EPHA6: variants seen among roughly 807,000 people sequenced by gnomAD.
EPHA6 encodes the protein ephrin type-A receptor 6.
In EPHA6, 50 loss-of-function variants were observed where a neutral mutation model predicts 112.0. The observed-to-expected ratio is 0.45, with a 90% CI of 0.36 to 0.56. EPHA6 has a LOEUF of 0.56. Ranked by LOEUF, EPHA6 falls within the 20% of genes least tolerant of loss-of-function variation. The pLI, the probability that EPHA6 is intolerant of heterozygous loss-of-function variation, is 0.00. For synonymous variants in EPHA6, 529 were observed against 490.7 expected (o/e 1.08, Z -1.03); for missense variants, 1,280 against 1,417.4 (o/e 0.90, Z 1.56).
chr3:97,675,484 T>C (rs879521486), intron 14 of EPHA6, among the ~76,000 whole-genome samples: 1 of 151,824 alleles, frequency 6.6e-6, no homozygotes, highest in African/African-American at 2.4e-5. Context: ...CACCTTAATA[T>C]AAAAAAGTAA....
intron 6 of EPHA6, among the ~76,000 whole-genome samples, chr3:97,408,330 C>T (rs2087495662): frequency 1.3e-5 from 2 of 151,876 alleles, no homozygotes; most frequent in African/African-American, 2.4e-5. Flanking sequence ...CCATAGCACC[C>T]TTCTCTTATC....
chr3:97,215,052 T>C (rs2108521079), intron 3 of EPHA6, among the ~76,000 whole-genome samples: 1 of 152,362 alleles, frequency 6.6e-6, no homozygotes, highest in African/African-American at 2.4e-5. Flanking sequence ...ACTTACAGGC[T>C]ATTGAACACC....
Position 97,110,564 on chromosome 3 carries a change from G to A in EPHA6, c.1115-115700G>A, listed in dbSNP as rs191687812. 4.7e-3 allele frequency among the ~76,000 whole-genome samples: 710 copies of A among 152,050 alleles called. 6 individuals carry two copies. Among genetic ancestry groups the A allele is most frequent in the African/African-American group, 0.015 (633 of 41,498 alleles). On this transcript the variant is annotated intron_variant, in intron 3 of 17. Transcript: ENST00000389672. Reference sequence around the variant, plus strand: ...TTTAGAGACAGAGTCTCACTCTGTTGCCCAGGCTGGAGTGCAGTGGTGCAA... The same window carrying A: ...TTTAGAGACAGAGTCTCACTCTGTTACCCAGGCTGGAGTGCAGTGGTGCAA...
intron 3 of EPHA6, among the ~76,000 whole-genome samples, chr3:97,002,228 C>G (rs1290537122): frequency 6.6e-6 from 1 of 151,400 alleles, no homozygotes; most frequent in Non-Finnish European, 1.5e-5. Flanking sequence ...GCATTATGAC[C>G]AGGAGGACTT....
chr3:97,672,746 C>T (rs1218456525), intron 14 of EPHA6, among the ~76,000 whole-genome samples: 2 of 152,072 alleles, frequency 1.3e-5, no homozygotes, highest in African/African-American at 4.8e-5. Flanking sequence ...TTCTTAAACG[C>T]TCTTGAGATG....
At chr3:97,356,554 T>C (rs1322444153) in intron 5 of EPHA6, among the ~76,000 whole-genome samples, 1 of 151,744 alleles carries the variant, frequency 6.6e-6, no homozygotes, top group Admixed American at 6.5e-5. Context: ...TCTTTCTTGA[T>C]ACATTGATTA....
chr3:97,366,349 C>T (rs1347651129), intron 5 of EPHA6, among the ~76,000 whole-genome samples: 1 of 151,548 alleles, frequency 6.6e-6, no homozygotes, highest in East Asian at 1.9e-4. Context: ...GTATATCAGG[C>T]AGCATTTGTG....
chr3:97,666,380 T>C (rs1395642414), intron 14 of EPHA6, among the ~76,000 whole-genome samples: 2 of 152,178 alleles, frequency 1.3e-5, no homozygotes, highest in African/African-American at 4.8e-5. Flanking sequence ...ATTTATTGTC[T>C]CAAAGTTTTA....
chr3:96,929,212 G>A (rs369956177), intron 2 of EPHA6, among the ~76,000 whole-genome samples: 165 of 152,196 alleles, frequency 1.1e-3, no homozygotes, highest in African/African-American at 3.3e-3. Context: ...TCTTTTAATC[G>A]GGACATTTAG....
chr3:97,385,750 C>G (rs146977862), intron 5 of EPHA6, among the ~76,000 whole-genome samples: 1 of 152,138 alleles, frequency 6.6e-6, no homozygotes, highest in East Asian at 1.9e-4. Context: ...AACTTACATT[C>G]ATGGCAGAAT....
intron 8 of EPHA6, among the ~76,000 whole-genome samples, chr3:97,476,788 G>T (rs971751441): frequency 1.3e-5 from 2 of 152,062 alleles, no homozygotes; most frequent in Non-Finnish European, 1.5e-5. Context: ...AGTTAAAAAT[G>T]ATGACTTATT....
At chr3:97,002,670 A>AAT (rs1187308541) in intron 3 of EPHA6, among the ~76,000 whole-genome samples, 2 of 152,012 alleles carry the variant, frequency 1.3e-5, no homozygotes, top group Non-Finnish European at 2.9e-5. Context: ...TAAAGAATAT[A>AAT]ATATATATAC....
At chr3:96,896,976 G>A (rs2038305457) in intron 2 of EPHA6, among the ~76,000 whole-genome samples, 1 of 152,032 alleles carries the variant, frequency 6.6e-6, no homozygotes, top group East Asian at 1.9e-4. Context: ...AGGAAAAATT[G>A]TTATGAAAAC....
intron 1 of EPHA6, among the ~76,000 whole-genome samples, chr3:96,830,325 A>C (rs1355704257): frequency 1.3e-5 from 2 of 152,136 alleles, no homozygotes; most frequent in Non-Finnish European, 2.9e-5. Flanking sequence ...TGCGCATATA[A>C]AAATGTATCT....
At chr3:96,999,405 A>G (rs1220964014) in intron 3 of EPHA6, among the ~76,000 whole-genome samples, 1 of 151,966 alleles carries the variant, frequency 6.6e-6, no homozygotes, top group East Asian at 1.9e-4. Context: ...TAAAGCAGAC[A>G]TCTCTTAAAG....
chr3:97,584,940 G>A (rs1026628858), intron 11 of EPHA6, among the ~76,000 whole-genome samples: 3 of 152,214 alleles, frequency 2.0e-5, no homozygotes, highest in African/African-American at 7.2e-5. Flanking sequence ...TAATCAGTTA[G>A]TGAATGGTAG....
At chr3:97,362,935 A>G (rs2084454597) in intron 5 of EPHA6, among the ~76,000 whole-genome samples, 1 of 151,626 alleles carries the variant, frequency 6.6e-6, no homozygotes, top group South Asian at 2.1e-4. Context: ...AAAGGAACAA[A>G]ATCTGTTTGA....
At chr3:97,341,179 T>C (rs1169033615) in intron 5 of EPHA6, among the ~76,000 whole-genome samples, 1 of 152,112 alleles carries the variant, frequency 6.6e-6, no homozygotes, top group Non-Finnish European at 1.5e-5. Flanking sequence ...AATGCTTGTG[T>C]GGAGGCAACT....
intron 5 of EPHA6, among the ~76,000 whole-genome samples, chr3:97,261,303 T>C (rs2079495041): frequency 6.6e-6 from 1 of 152,160 alleles, no homozygotes; most frequent in African/African-American, 2.4e-5. Flanking sequence ...ATTAGAATCT[T>C]GGTACCTATA....
Sources: gnomAD v4.1 joint callset for allele counts (sites outside exome capture counted in the v4.1 genomes callset) on GRCh38, gnomAD v4.1.1 for gene constraint, MANE v1.5 for transcripts, NCBI Gene and HGNC (gene_info 2026-07-23, HGNC 2026-07-21) for gene names.